The following C4orf50 variants were observed in gnomAD, a reference collection of about 807,000 sequenced individuals.
C4orf50 encodes the protein chromosome 4 open reading frame 50.
C4orf50 carries 80 observed loss-of-function variants against 77.2 expected under a neutral mutation model. The observed-to-expected ratio is 1.04, with a 90% CI of 0.87 to 1.25. The LOEUF is 1.25. Ranked by LOEUF, C4orf50 falls within the 50% of genes most tolerant of loss-of-function variation. The probability of loss-of-function intolerance (pLI) is 0.00; values close to 1 mark genes in which losing one functional copy is unlikely to be tolerated. For synonymous variants in C4orf50, 532 were observed against 465.3 expected (o/e 1.14, Z -1.84); for missense variants, 1,257 against 1,152.9 (o/e 1.09, Z -1.31).
intron 7 of C4orf50, among the ~76,000 whole-genome samples, chr4:5,929,898 T>G (rs1717688881): frequency 6.6e-6 from 1 of 152,244 alleles, no homozygotes. Context: ...GCTTTAAATA[T>G]TAGCTACCCC....
chr4:5,931,372 T>C (rs1717760411), intron 7 of C4orf50, among the ~76,000 whole-genome samples: 1 of 152,192 alleles, frequency 6.6e-6, no homozygotes, highest in African/African-American at 2.4e-5. Flanking sequence ...GAAGAACACA[T>C]CTTTGCATTT....
At position 5,900,544 on chromosome 4, in the gene C4orf50, A is replaced by G. The variant is rs1232189067; in HGVS notation, c.*2475-2356T>C. On this transcript the variant is annotated intron_variant, in intron 7 of 7. Transcript: ENST00000324058. This position sits in a 1 kb window ranked among gnomAD's most constrained non-coding sequence, Gnocchi z 4.3. The stretch of plus-strand genomic sequence containing the variant: ...GAAAGAATTCCTTAAACTAACATCT[A>G]TCACTAGATGATGCCATATAGATTG... 1 of 152,246 alleles carries G rather than the reference A, an allele frequency of 6.6e-6. No individual in the cohort carries two copies. The highest frequency in any genetic ancestry group is 1.5e-5 in the Non-Finnish European group (1 of 68,048). 9.4% of individuals were successfully genotyped at this position (152,246 alleles called of 1,614,324 possible).
intron 25 of C4orf50, among the ~76,000 whole-genome samples, chr4:6,001,133 C>T (rs1247552764): frequency 6.6e-6 from 1 of 152,170 alleles, no homozygotes. Context: ...AAGGCAGAAT[C>T]AGTGATTACC....
chr4:6,016,845 G>A (rs916921394), intron 23 of C4orf50, among the ~76,000 whole-genome samples: 6 of 152,180 alleles, frequency 3.9e-5, no homozygotes, highest in African/African-American at 7.2e-5. Context: ...GTGCATACAC[G>A]TTCAATGGTC....
exon 29 of C4orf50, chr4:5,980,300 G>A: frequency 2.5e-6 from 4 of 1,612,628 alleles, no homozygotes; most frequent in Non-Finnish European, 3.4e-6. Context: ...CCCGCAGCCT[G>A]GGATCCTCCT....
At chr4:5,934,846 A>G (rs1577905282) in intron 7 of C4orf50, among the ~76,000 whole-genome samples, 1 of 152,230 alleles carries the variant, frequency 6.6e-6, no homozygotes, top group African/African-American at 2.4e-5. Context: ...GTGTCTTTCT[A>G]TAGCCTGAGA....
At chr4:5,980,602 G>C (rs1720530188) in intron 28 of C4orf50, among the ~76,000 whole-genome samples, 1 of 152,150 alleles carries the variant, frequency 6.6e-6, no homozygotes, top group Non-Finnish European at 1.5e-5. Context: ...GTATAGGAGT[G>C]GGTGGTTCTG....
exon 33 of C4orf50, chr4:5,965,062 C>G: frequency 6.2e-7 from 1 of 1,613,716 alleles, no homozygotes; most frequent in Non-Finnish European, 8.5e-7. Flanking sequence ...GCTGGCCACT[C>G]CGGCTCGGGA....
At position 5,908,261 on chromosome 4, in the gene C4orf50, A is replaced by G. The variant is rs909933686; in HGVS notation, c.*2475-10073T>C. Among the ~76,000 whole-genome samples, 1 of 152,188 alleles carries G rather than the reference A, an allele frequency of 6.6e-6. No individual in the cohort carries two copies. Among genetic ancestry groups the G allele is most frequent in the African/African-American group, 2.4e-5 (1 of 41,454 alleles). On this transcript the variant is annotated intron_variant, in intron 7 of 7. Coordinates refer to the C4orf50 transcript ENST00000324058. The surrounding 1 kb of genome is among the most constrained non-coding windows in gnomAD (Gnocchi z 5.6). ...AGAACAGAAGGAAATGCTGGGTTAC[A>G]AAGTAACAGTGTACTAAAGAGAGTC...
intron 7 of C4orf50, among the ~76,000 whole-genome samples, chr4:5,949,099 C>A (rs978321948): frequency 6.6e-6 from 1 of 152,048 alleles, no homozygotes; most frequent in Non-Finnish European, 1.5e-5. Flanking sequence ...GAGCCAATGG[C>A]CAATTCAAGG....
intron 33 of C4orf50, among the ~76,000 whole-genome samples, chr4:5,961,692 A>G (rs1256117911): frequency 2.0e-5 from 3 of 152,182 alleles, no homozygotes; most frequent in African/African-American, 7.2e-5. Flanking sequence ...CCAGGGATGT[A>G]GTGTTGGATC....
At chr4:5,910,293 C>T (rs775991984) in intron 7 of C4orf50, among the ~76,000 whole-genome samples, 2 of 152,164 alleles carry the variant, frequency 1.3e-5, no homozygotes, top group South Asian at 2.1e-4. Flanking sequence ...GTGATTTTTA[C>T]GGAATGCAAC....
Position 6,014,296 on chromosome 4 carries a change from C to T in C4orf50, c.288-2328G>A, listed in dbSNP as rs368801607. ...GGATTACAGACGCGAGCAACCGGGCCGGCCTAGTATTGTTTTAAGGGTTAA... is the reference window on the plus strand; with the variant it reads ...GGATTACAGACGCGAGCAACCGGGCTGGCCTAGTATTGTTTTAAGGGTTAA... On this transcript the variant is annotated intron_variant, in intron 23 of 33. Coordinates refer to ENST00000531445, the Ensembl canonical transcript of C4orf50. Among the ~76,000 whole-genome samples the T allele has an allele frequency of 7.2e-5, 11 of 152,234 alleles. No homozygotes were observed. In the South Asian group the frequency reaches 1.9e-3, roughly 26 times the overall value.
Position 5,918,281 on chromosome 4 carries a change from C to T in C4orf50, c.*2475-20093G>A, listed in dbSNP as rs184326490. On this transcript the variant is annotated intron_variant, in intron 7 of 7. Transcript: ENST00000324058. ...GTAGCACAATTCACACCTCACGTCC[C>T]ATTTCACAGATGGGGAAGTGGAGTC... Among the ~76,000 whole-genome samples the T allele has an allele frequency of 1.5e-3, 226 of 152,334 alleles. 1 individual carries two copies. Among genetic ancestry groups the T allele is most frequent in the African/African-American group, 5.2e-3 (216 of 41,572 alleles).
At chr4:5,918,404 C>G (rs1161632258) in intron 7 of C4orf50, among the ~76,000 whole-genome samples, 1 of 152,208 alleles carries the variant, frequency 6.6e-6, no homozygotes, top group Non-Finnish European at 1.5e-5. Context: ...AACCACATTC[C>G]TAACTGGTCC....
At chr4:6,001,435 G>A (rs567382398) in intron 25 of C4orf50, among the ~76,000 whole-genome samples, 3 of 152,176 alleles carry the variant, frequency 2.0e-5, no homozygotes, top group African/African-American at 4.8e-5. Flanking sequence ...TTTGTTCAGC[G>A]GGTTCCTGCA....
intron 25 of C4orf50, among the ~76,000 whole-genome samples, chr4:6,004,826 A>AGTGATGATGTGATGGTGATG (rs1722182330): frequency 8.3e-6 from 1 of 120,184 alleles, no homozygotes; most frequent in Non-Finnish European, 1.8e-5. Context: ...TGATGGTGAT[A>AGTGATGATGTGATGGTGATG]GTGATGATGT....
At chr4:5,952,464 T>G (rs1469611954), downstream of C4orf50, among the ~76,000 whole-genome samples, 1 of 152,216 alleles carries the variant, frequency 6.6e-6, no homozygotes, top group Non-Finnish European at 1.5e-5. This position sits in a 1 kb window ranked among gnomAD's most constrained non-coding sequence, Gnocchi z 4.4. Flanking sequence ...GCATGAGCAC[T>G]GACTGGCCCC....
chr4:5,960,367 T>C (rs1404097804), intron 33 of C4orf50, among the ~76,000 whole-genome samples: 1 of 151,998 alleles, frequency 6.6e-6, no homozygotes, highest in African/African-American at 2.4e-5. Context: ...ATGCCTCTTC[T>C]CCCTCCTCTA....
Sources: allele counts gnomAD v4.1 joint callset (sites outside exome capture counted in the v4.1 genomes callset), GRCh38; gene constraint gnomAD v4.1.1; non-coding constraint Gnocchi (gnomAD v3.1); transcripts MANE v1.5; gene names NCBI Gene and HGNC (gene_info 2026-07-23, HGNC 2026-07-21).